The following MRPL28 variants were observed in gnomAD, a reference collection of about 807,000 sequenced individuals.
The protein encoded by MRPL28 is mitochondrial ribosomal protein L28.
In MRPL28, 25 loss-of-function variants were observed where a neutral mutation model predicts 26.2. The ratio of observed to expected loss-of-function variants is 0.95; its 90% CI spans 0.69 to 1.33. The LOEUF (loss-of-function observed/expected upper bound fraction) is 1.33, where lower values mean the gene tolerates loss of function less well. MRPL28 is among the 40% of genes most tolerant of loss of function. The pLI is 0.00. For synonymous variants in MRPL28, 227 were observed against 140.1 expected (o/e 1.62, Z -4.38); for missense variants, 432 against 327.2 (o/e 1.32, Z -2.47).
At chr16:368,951 AGTGACCCTCCT>A in intron 3 of MRPL28, 106 bp downstream of exon 3, 1 of 1,310,260 alleles carries the variant, frequency 7.6e-7, no homozygotes, top group Non-Finnish European at 1.0e-6. Context: ...ACGCTTTCCC[AGTGACCCTCCT>A]GTGCAGATGT....
chr16:367,685 C>G lies in MRPL28; in HGVS notation c.761G>C (p.Ser254Thr). Residue 254 changes from serine (S) to threonine (T), a missense_variant, in exon 6 of 6, where the codon AGT becomes ACT. Ser to Thr is a moderately conservative substitution (Grantham distance 58, BLOSUM62 1). Coordinates refer to ENST00000199706, the MANE Select transcript of MRPL28 (RefSeq NM_006428.5). ...GGAGGAGCTGTGTGGTCACTGGCCA[C>G]TGGCTCTCTTCTGCACCACCGCCGG... ...SEPAVVQKRA[S>T]GQ 6.2e-7 allele frequency: 1 copy of G among 1,613,686 alleles called. No homozygotes were observed. The highest frequency in any genetic ancestry group is 8.5e-7 in the Non-Finnish European group (1 of 1,179,936).
chr16:370,534 G>A lies in MRPL28; in HGVS notation c.-43C>T. 1.1e-6 allele frequency: 1 copy of A among 943,474 alleles called. No homozygotes were observed. Among genetic ancestry groups the A allele is most frequent in the South Asian group, 5.3e-5 (1 of 18,858 alleles). The allele number at this position is 943,474 out of a possible 1,614,324, so 58.4% of individuals were successfully genotyped here. Reference sequence around the variant, plus strand: ...TCAGAGCCCACCGGAACCGGAAGCCGATCTGCCGCGCCTGGCCCTCCTCCC... The same window carrying A: ...TCAGAGCCCACCGGAACCGGAAGCCAATCTGCCGCGCCTGGCCCTCCTCCC... On this transcript the variant is annotated 5_prime_UTR_variant, in exon 1 of 6. Coordinates refer to ENST00000199706, the MANE Select transcript of MRPL28 (RefSeq NM_006428.5).
At chr16:368,302 G>C in intron 5 of MRPL28, 26 bp downstream of exon 5, 1 of 1,610,664 alleles carries the variant, frequency 6.2e-7, no homozygotes, top group Non-Finnish European at 8.5e-7. Context: ...TGGGCAGGCA[G>C]CATCGGCTGG....
At position 370,056 on chromosome 16, in the gene MRPL28, T is replaced by C; in HGVS notation, c.163A>G (p.Lys55Glu). Residue 55 changes from lysine to glutamate, a missense_variant, in exon 2 of 6, where the codon AAG becomes GAG. Transcript: ENST00000199706. The stretch of plus-strand genomic sequence containing the variant: ...TCCACACGCTCCCGCTGCCCGTTCT[T>C]GGGGTTGATCTTGAACTTGGCCCCA... ...PHGAKFKINP[K>E]NGQRERVEDV... 6.2e-7 allele frequency: 1 copy of C among 1,613,038 alleles called. No individual in the cohort carries two copies. The highest frequency in any genetic ancestry group is 1.7e-4 in the Middle Eastern group (1 of 6,058).
At chr16:368,770 G>C (rs1192449814) in intron 3 of MRPL28, 135 bp from the exon 4 acceptor site, 31 of 1,359,096 alleles carry the variant, frequency 2.3e-5, no homozygotes, top group Non-Finnish European at 3.0e-5. Context: ...GGCCGCCTCA[G>C]CACCCCAGCC....
rs368450347 is a variant in MRPL28 at position 369,137 on chromosome 16, T to A, written c.372A>T (p.Thr124=). Residue 124 remains threonine, a synonymous_variant, in exon 3 of 6, where the codon ACA becomes ACT. Transcript: ENST00000199706. ...FYSEILDKKF[T]VTVTMRTLDL... is the part of the protein sequence containing the mutation. Reference sequence around the variant, plus strand: ...CCAGGGTCCGCATGGTCACAGTCACTGTGAACTTCTTGTCCAGGATCTCAC... The same window carrying A: ...CCAGGGTCCGCATGGTCACAGTCACAGTGAACTTCTTGTCCAGGATCTCAC... 6.2e-7 allele frequency: 1 copy of A among 1,614,074 alleles called. No individual in the cohort carries two copies. Among genetic ancestry groups the A allele is most frequent in the Admixed American group, 1.7e-5 (1 of 60,024 alleles).
intron 2 of MRPL28, 128 bp from the exon 3 acceptor site, chr16:369,348 C>T (rs2054295005): frequency 8.1e-7 from 1 of 1,239,270 alleles, no homozygotes; most frequent in Non-Finnish European, 1.1e-6. Flanking sequence ...GACTGGGGAC[C>T]TAGAGCTAAC....
At position 369,841 on chromosome 16, in the gene MRPL28, C is replaced by A. The variant is rs527465927; in HGVS notation, c.288+90G>T. 55 of 1,488,340 alleles carry A rather than the reference C, an allele frequency of 3.7e-5. 1 individual carries two copies. In the South Asian group the frequency reaches 6.8e-4, roughly 18 times the overall value. The allele number at this position is 1,488,340 out of a possible 1,614,324, so 92.2% of individuals were successfully genotyped here. A position where few individuals can be genotyped will look rare whatever the true frequency, so the allele number is the denominator to read the frequency against. On this transcript the variant is annotated intron_variant, in intron 2 of 5. Transcript: ENST00000199706. ...CCAGGCTGTAATCCCCAGGGCCCACCCAGGTCTCTCCAGGTACCCCGGGCG... is the reference window on the plus strand; with the variant it reads ...CCAGGCTGTAATCCCCAGGGCCCACACAGGTCTCTCCAGGTACCCCGGGCG...
intron 5 of MRPL28, 92 bp downstream of exon 5, chr16:368,236 C>T: frequency 7.0e-7 from 1 of 1,432,678 alleles, no homozygotes; most frequent in South Asian, 1.2e-5. Context: ...GTGCACCAGC[C>T]CCTTGTGCAG....
Position 367,323 on chromosome 16 carries a change from G to T in MRPL28, c.*352C>A. The T allele has an allele frequency of 1.6e-6, 1 of 615,580 alleles. No homozygotes were observed. The highest frequency in any genetic ancestry group is 3.0e-6 in the Non-Finnish European group (1 of 330,830). The allele number at this position is 615,580 out of a possible 1,614,324, so 38.1% of individuals were successfully genotyped here. A position where few individuals can be genotyped will look rare whatever the true frequency, so the allele number is the denominator to read the frequency against. On this transcript the variant is annotated 3_prime_UTR_variant, in exon 6 of 6. Transcript: ENST00000199706. ...CGGCTCATCCGAGGTCTCAGGGGCA[G>T]CAAGGGCAGGGGTGACAGGATCAGG...
At position 367,513 on chromosome 16, in the gene MRPL28, C is replaced by T. The variant is rs779100678; in HGVS notation, c.*162G>A. 11 of 749,610 alleles carry T rather than the reference C, an allele frequency of 1.5e-5. No individual in the cohort carries two copies. The highest frequency in any genetic ancestry group is 2.4e-6 in the Non-Finnish European group (1 of 420,066). The allele number at this position is 749,610 out of a possible 1,614,324, so 46.4% of individuals were successfully genotyped here. A position where few individuals can be genotyped will look rare whatever the true frequency, so the allele number is the denominator to read the frequency against. On this transcript the variant is annotated 3_prime_UTR_variant, in exon 6 of 6. Coordinates refer to ENST00000199706, the MANE Select transcript of MRPL28 (RefSeq NM_006428.5). ...GCCCAGGCCTCCTGGGGATCCCTGC[C>T]AAGCTGGCCCCGGGCTGGAAGGTGC...
chr16:368,750 G>GC, intron 3 of MRPL28, 115 bp from the exon 4 acceptor site: 1 of 1,463,660 alleles, frequency 6.8e-7, no homozygotes. Flanking sequence ...GACAGAGAAG[G>GC]CCCGGGTGGG....
At chr16:367,845 G>T in intron 5 of MRPL28, 63 bp from the exon 6 acceptor site, 1 of 1,431,484 alleles carries the variant, frequency 7.0e-7, no homozygotes, top group Non-Finnish European at 9.8e-7. Flanking sequence ...GTTCCGACGG[G>T]GATGGGATCA....
Position 369,212 on chromosome 16 carries a change from C to T in MRPL28, c.297G>A (p.Lys99=), listed in dbSNP as rs1414948731. The change falls in exon 3 of 6, where the codon AAG becomes AAA. Residue 99 remains lysine, a synonymous_variant. Coordinates refer to ENST00000199706, the MANE Select transcript of MRPL28 (RefSeq NM_006428.5). ...GTGGCTTCCACACTTTCTTCAGCCT[C>T]TTGGAGAGCTGAGGGTGCAACAGAG... ...QIYANNDKLS[K]RLKKVWKPQL... is the part of the protein sequence containing the mutation. The T allele has an allele frequency of 1.9e-6, 3 of 1,613,914 alleles. No individual in the cohort carries two copies. The highest frequency in any genetic ancestry group is 3.3e-5 in the Admixed American group (2 of 60,016).
At position 367,650 on chromosome 16, in the gene MRPL28, G is replaced by A. The variant is rs1313817970; in HGVS notation, c.*25C>T. The A allele has an allele frequency of 6.3e-7, 1 of 1,586,392 alleles. No individual in the cohort carries two copies. The highest frequency in any genetic ancestry group is 8.7e-7 in the Non-Finnish European group (1 of 1,155,786). ...CCTGGCAGGGAAAGCTGGGCCTGTT[G>A]GTCAGGCATGGAGGAGCTGTGTGGT... On this transcript the variant is annotated 3_prime_UTR_variant, in exon 6 of 6. Transcript: ENST00000199706.
chr16:368,504 G>C lies in MRPL28; in HGVS notation c.573C>G (p.Tyr191Ter). 6.2e-7 allele frequency: 1 copy of C among 1,602,378 alleles called. No homozygotes were observed. Among genetic ancestry groups the C allele is most frequent in the Non-Finnish European group, 8.5e-7 (1 of 1,172,584 alleles). ...GGAGCGGGACGGAAACCCTCACCTT[G>C]TACTTGTCGTAGATGGCTGCCCGCC... Reference protein sequence around the residue: ...PERRAAIYDKYKEFAIPEEEA... With the variant: ...PERRAAIYDK Residue 191 changes from tyrosine (Y) to a stop codon, truncating the protein, a stop_gained, in exon 4 of 6, where the codon TAC becomes TAG. Coordinates refer to ENST00000199706, the MANE Select transcript of MRPL28 (RefSeq NM_006428.5). LOFTEE classifies it high-confidence loss of function.
At chr16:369,312 G>A in intron 2 of MRPL28, 92 bp from the exon 3 acceptor site, 8 of 1,489,088 alleles carry the variant, frequency 5.4e-6, no homozygotes, top group Non-Finnish European at 7.3e-6. Flanking sequence ...CCCCCCGGAG[G>A]CTCCATCACA....
intron 3 of MRPL28, 140 bp from the exon 4 acceptor site, chr16:368,775 C>G: frequency 7.5e-7 from 1 of 1,335,260 alleles, no homozygotes; most frequent in Non-Finnish European, 1.0e-6. Flanking sequence ...CCTCAGCACC[C>G]CAGCCTGGGG....
Position 370,434 on chromosome 16 carries a change from C to T in MRPL28, c.-8+65G>A, listed in dbSNP as rs972952860. 3 of 898,060 alleles carry T rather than the reference C, an allele frequency of 3.3e-6. No homozygotes were observed. In the Admixed American group the frequency reaches 3.9e-4, roughly 118 times the overall value. The allele number at this position is 898,060 out of a possible 1,614,324, so 55.6% of individuals were successfully genotyped here. On this transcript the variant is annotated intron_variant, in intron 1 of 5. Coordinates refer to ENST00000199706, the MANE Select transcript of MRPL28 (RefSeq NM_006428.5). ...CCCGGTTCTCACTCCGGCCCCTGTC[C>T]CGCACCCACCTGCCCCTCCCCTTCT...
Sources: gnomAD v4.1 joint callset for allele counts on GRCh38, gnomAD v4.1.1 for gene constraint, MANE v1.5 for transcripts, NCBI Gene and HGNC (gene_info 2026-07-23, HGNC 2026-07-21) for gene names.